KCNMB2: variants seen among roughly 807,000 people sequenced by gnomAD.
The protein encoded by KCNMB2 is potassium calcium-activated channel subfamily M regulatory beta subunit 2.
A neutral mutation model predicts 24.5 loss-of-function variants in KCNMB2; 9 were observed. That is an observed-to-expected ratio of 0.37 (90% confidence interval 0.22 to 0.64). KCNMB2 has a LOEUF of 0.64. KCNMB2 is among the 30% of genes least tolerant of loss of function. The pLI is 0.63. For missense variants in KCNMB2, 226 were observed against 284.3 expected, an observed-to-expected ratio of 0.79 and a Z score of 1.47; for synonymous variants, 109 against 104.4, an observed-to-expected ratio of 1.04 and a Z score of -0.27.
At chr3:178,780,423 T>C (rs1377484658) in intron 1 of KCNMB2, among the ~76,000 whole-genome samples, 2 of 152,238 alleles carry the variant, frequency 1.3e-5, no homozygotes, top group Non-Finnish European at 2.9e-5. Context: ...GACTCAGGGA[T>C]GCAAGGAGGG....
At position 178,651,387 on chromosome 3, in the gene KCNMB2, C is replaced by G. The variant is rs191946714; in HGVS notation, c.-68+114676C>G. Among the ~76,000 whole-genome samples the G allele has an allele frequency of 5.5e-4, 83 of 152,156 alleles. 1 individual carries two copies. Among genetic ancestry groups the G allele is most frequent in the African/African-American group, 2.0e-3 (81 of 41,524 alleles). ...GGGATGTGAAGGACCTCTTCAAGGA[C>G]AACTACAAAGCACTGCTCAAGGAAA... On this transcript the variant is annotated intron_variant, in intron 1 of 4. Transcript: ENST00000452583.
chr3:178,793,518 G>GGGA lies in KCNMB2; in HGVS notation c.-67-13823_-67-13822insAGG, dbSNP rs200587860. 9.8e-3 allele frequency among the ~76,000 whole-genome samples: 1,486 copies of GGGA among 152,102 alleles called. 29 individuals carry two copies. Among genetic ancestry groups the GGGA allele is most frequent in the Non-Finnish European group, 0.015 (1,026 of 67,958 alleles). On this transcript the variant is annotated intron_variant, in intron 1 of 4. Coordinates refer to ENST00000452583, the MANE Select transcript of KCNMB2 (RefSeq NM_181361.3). ...AGCGGAAGCTGCTCTTCACCCTGGGGGGGTGGGCAATGGACAGCAGAAGGA... is the reference window on the plus strand; with the variant it reads ...AGCGGAAGCTGCTCTTCACCCTGGGGGGAGGGTGGGCAATGGACAGCAGAAGGA...
At chr3:178,725,633 C>T (rs957845250) in intron 1 of KCNMB2, among the ~76,000 whole-genome samples, 6 of 151,940 alleles carry the variant, frequency 3.9e-5, no homozygotes, top group African/African-American at 1.4e-4. Flanking sequence ...AGCTTTTCAA[C>T]TTGTTAAAGT....
chr3:178,629,817 C>T (rs560601650), intron 1 of KCNMB2, among the ~76,000 whole-genome samples: 34 of 152,200 alleles, frequency 2.2e-4, no homozygotes, highest in African/African-American at 6.7e-4. Flanking sequence ...AATGGAACTT[C>T]CTCATTAAGT....
intron 1 of KCNMB2, among the ~76,000 whole-genome samples, chr3:178,793,521 G>GGGC (rs1713410880): frequency 6.6e-6 from 1 of 151,574 alleles, no homozygotes; most frequent in Non-Finnish European, 1.5e-5. Flanking sequence ...CCCTGGGGGG[G>GGGC]TGGGCAATGG....
chr3:178,769,938 G>T (rs923146199), intron 1 of KCNMB2, among the ~76,000 whole-genome samples: 20 of 152,130 alleles, frequency 1.3e-4, no homozygotes, highest in African/African-American at 4.8e-4. Context: ...AGTAAAACTG[G>T]CTCTTAACAG....
chr3:178,585,294 T>C (rs1717387573), intron 1 of KCNMB2, among the ~76,000 whole-genome samples: 1 of 152,228 alleles, frequency 6.6e-6, no homozygotes, highest in Non-Finnish European at 1.5e-5. Flanking sequence ...TGATGCATGA[T>C]GAAATTTATA....
At position 178,682,906 on chromosome 3, in the gene KCNMB2, GC is replaced by G. The variant is rs199791475; in HGVS notation, c.-67-124435del. Among the ~76,000 whole-genome samples the G allele has an allele frequency of 6.9e-3, 1,044 of 152,214 alleles. 12 individuals carry two copies. The highest frequency in any genetic ancestry group is 0.024 in the African/African-American group (981 of 41,546). On this transcript the variant is annotated intron_variant, in intron 1 of 4. Coordinates refer to ENST00000452583, the MANE Select transcript of KCNMB2 (RefSeq NM_181361.3). Reference sequence around the variant, plus strand: ...GGCAAGGCTATGGAGAAAAGGAAATGCCTATACACTGTTGGTGGGAATGTAA... The same window carrying G: ...GGCAAGGCTATGGAGAAAAGGAAATGCTATACACTGTTGGTGGGAATGTAA...
intron 1 of KCNMB2, among the ~76,000 whole-genome samples, chr3:178,538,129 C>T (rs1199848033): frequency 6.6e-6 from 1 of 152,120 alleles, no homozygotes; most frequent in Non-Finnish European, 1.5e-5. Flanking sequence ...AAGTTGAAAT[C>T]ATTGCCCCAT....
intron 1 of KCNMB2, among the ~76,000 whole-genome samples, chr3:178,599,096 G>A (rs1717986973): frequency 6.6e-6 from 1 of 152,098 alleles, no homozygotes. Context: ...TGTGGAGAGT[G>A]GATCGAGAAA....
intron 1 of KCNMB2, among the ~76,000 whole-genome samples, chr3:178,672,570 A>C (rs936354105): frequency 2.6e-5 from 4 of 152,230 alleles, no homozygotes; most frequent in African/African-American, 9.6e-5. Context: ...GAGGAGATAA[A>C]GTTTGCTTAT....
At chr3:178,590,293 A>C (rs1717618071) in intron 1 of KCNMB2, among the ~76,000 whole-genome samples, 1 of 152,084 alleles carries the variant, frequency 6.6e-6, no homozygotes, top group Admixed American at 6.6e-5. Context: ...TTATCTGTAC[A>C]TTTTTTATCC....
chr3:178,656,028 A>T (rs1173273556), intron 1 of KCNMB2, among the ~76,000 whole-genome samples: 1 of 152,166 alleles, frequency 6.6e-6, no homozygotes, highest in African/African-American at 2.4e-5. Context: ...GTAAAAGGAA[A>T]TATTATTTCC....
At chr3:178,818,786 C>T (rs1240855004) in intron 2 of KCNMB2, among the ~76,000 whole-genome samples, 3 of 152,166 alleles carry the variant, frequency 2.0e-5, no homozygotes, top group Non-Finnish European at 4.4e-5. Flanking sequence ...TTAATGCCCC[C>T]TCTAACTTCA....
chr3:178,686,500 A>G (rs962176007), intron 1 of KCNMB2, among the ~76,000 whole-genome samples: 2 of 152,166 alleles, frequency 1.3e-5, no homozygotes, highest in Admixed American at 6.6e-5. Flanking sequence ...GGCACCTCTC[A>G]AATGAGGGCC....
At chr3:178,681,692 C>T (rs917221573) in intron 1 of KCNMB2, among the ~76,000 whole-genome samples, 2 of 152,194 alleles carry the variant, frequency 1.3e-5, no homozygotes, top group African/African-American at 4.8e-5. Flanking sequence ...ACTGTCATAT[C>T]GACTACCTGA....
At chr3:178,552,222 G>T (rs993946583) in intron 1 of KCNMB2, among the ~76,000 whole-genome samples, 3 of 152,190 alleles carry the variant, frequency 2.0e-5, no homozygotes. Flanking sequence ...GAAGAATGAT[G>T]TAACAGCACT....
chr3:178,674,251 CT>C (rs1181003131), intron 1 of KCNMB2, among the ~76,000 whole-genome samples: 3 of 152,054 alleles, frequency 2.0e-5, no homozygotes, highest in Admixed American at 1.3e-4. Context: ...CTCTAAATAC[CT>C]TTTGTAAACT....
At chr3:178,841,488 T>C (rs1211199305) in intron 4 of KCNMB2, 1 of 152,190 alleles carries the variant, frequency 6.6e-6, no homozygotes, top group African/African-American at 2.4e-5. Flanking sequence ...CACACTGTTA[T>C]AAAGATACTA....
Sources: allele counts gnomAD v4.1 joint callset (sites outside exome capture counted in the v4.1 genomes callset), GRCh38; gene constraint gnomAD v4.1.1; transcripts MANE v1.5; gene names NCBI Gene and HGNC (gene_info 2026-07-23, HGNC 2026-07-21).